CEP89: variants seen among roughly 807,000 people sequenced by gnomAD.
The protein encoded by CEP89 is centrosomal protein 89.
In CEP89, 95 loss-of-function variants were observed where a neutral mutation model predicts 97.6. The observed-to-expected ratio is 0.97, with a 90% confidence interval of 0.82 to 1.15. The LOEUF is 1.15. Among genes scored for constraint, CEP89 ranks in the 50% most tolerant of loss-of-function variants. The pLI, the probability that CEP89 is intolerant of heterozygous loss-of-function variation, is 0.00. For missense variants in CEP89, 869 were observed against 947.7 expected (o/e 0.92, Z 1.09); for synonymous variants, 354 against 349.1 (o/e 1.01, Z -0.16).
rs550214866 is a variant in CEP89 at position 32,882,743 on chromosome 19, A to G, written c.1966-730T>C. On this transcript the variant is annotated intron_variant, in intron 17 of 18. Transcript: ENST00000305768. The stretch of plus-strand genomic sequence containing the variant: ...GACAGCCTCATTGAAGAATCCAACA[A>G]GGGCTGTCACTCTCTGTCACCAAAC... Among the ~76,000 whole-genome samples the G allele has an allele frequency of 1.8e-4, 28 of 152,294 alleles. No individual in the cohort carries two copies. In the East Asian group the frequency reaches 5.0e-3, roughly 27 times the overall value.
At chr19:32,910,298 A>AGAGG (rs149021642) in intron 14 of CEP89, among the ~76,000 whole-genome samples, 9 of 146,158 alleles carry the variant, frequency 6.2e-5, no homozygotes, top group South Asian at 2.3e-4. Flanking sequence ...AGCGAGAGAG[A>AGAGG]GAGGGAGGGA....
chr19:32,912,596 A>G (rs746333740), intron 14 of CEP89, among the ~76,000 whole-genome samples: 11 of 152,078 alleles, frequency 7.2e-5, no homozygotes, highest in Non-Finnish European at 1.6e-4. Context: ...TCACTATCCT[A>G]TTGGTTGCTT....
At chr19:32,920,150 G>A (rs1284456956) in intron 12 of CEP89, among the ~76,000 whole-genome samples, 1 of 152,138 alleles carries the variant, frequency 6.6e-6, no homozygotes, top group Non-Finnish European at 1.5e-5. Flanking sequence ...CGATCCTCCT[G>A]CCTCAGCCTT....
chr19:32,932,183 A>C (rs1263751213), intron 8 of CEP89, among the ~76,000 whole-genome samples: 2 of 88,712 alleles, frequency 2.3e-5, no homozygotes, highest in African/African-American at 4.0e-5. Context: ...TCCATCTCAC[A>C]AAAAAAAAAA....
At chr19:32,881,803 C>T in intron 18 of CEP89, 41 bp downstream of exon 18, 1 of 1,545,114 alleles carries the variant, frequency 6.5e-7, no homozygotes, top group Non-Finnish European at 8.7e-7. Flanking sequence ...ATCAGACATT[C>T]AGACATCTCT....
chr19:32,921,716 G>A (rs549640174), intron 12 of CEP89, among the ~76,000 whole-genome samples: 88 of 152,278 alleles, frequency 5.8e-4, no homozygotes, highest in African/African-American at 2.0e-3. Context: ...CCAGTCCACT[G>A]TTCAAGGAGG....
chr19:32,918,269 G>A lies in CEP89; in HGVS notation c.1339C>T (p.Gln447Ter), dbSNP rs762743827. The change falls in exon 13 of 19, where the codon CAG (glutamine) becomes TAG (stop). Residue 447 changes from glutamine (Q) to a stop codon, truncating the protein, a stop_gained. Transcript: ENST00000305768. LOFTEE classifies it high-confidence loss of function. ...NKLLLEQLEI[Q>*]QRKAKDSHQE... is the part of the protein sequence containing the mutation. ...TGGCTGTCCTTGGCTTTCCTTTGCT[G>A]AATCTCCAACTGCTCCAGCAACAAC... is the stretch of plus-strand genomic sequence containing the variant. 6.2e-7 allele frequency: 1 copy of A among 1,614,154 alleles called. No homozygotes were observed. The highest frequency in any genetic ancestry group is 1.1e-5 in the South Asian group (1 of 91,072).
intron 16 of CEP89, among the ~76,000 whole-genome samples, chr19:32,892,031 A>G (rs1279202170): frequency 1.3e-5 from 2 of 150,968 alleles, no homozygotes; most frequent in African/African-American, 2.4e-5. Flanking sequence ...CAGGTTCCCA[A>G]AAAGGTCTTC....
At chr19:32,946,735 C>G (rs1266708454) in intron 5 of CEP89, among the ~76,000 whole-genome samples, 1 of 151,954 alleles carries the variant, frequency 6.6e-6, no homozygotes, top group East Asian at 1.9e-4. Context: ...AGGGGAAACC[C>G]CTTTCTCTTG....
intron 2 of CEP89, among the ~76,000 whole-genome samples, chr19:32,960,527 AG>A (rs2145969846): frequency 6.6e-6 from 1 of 152,294 alleles, no homozygotes; most frequent in South Asian, 2.1e-4. Flanking sequence ...AAGTAAAACA[AG>A]GCCAGGCGCG....
intron 2 of CEP89, 51 bp from the exon 3 acceptor site, chr19:32,960,109 G>GTT: frequency 6.3e-7 from 1 of 1,598,058 alleles, no homozygotes; most frequent in Non-Finnish European, 8.6e-7. Flanking sequence ...CATTCCAGGT[G>GTT]AATGCTGAAC....
rs531062082 is a variant in CEP89 at position 32,951,284 on chromosome 19, G to A, written c.492+2331C>T. On this transcript the variant is annotated intron_variant, in intron 4 of 18. Transcript: ENST00000305768. ...GAGGATCACCTGAGGTCAGGAGTTC[G>A]AGACCATCCTGGCCAACATGATGAA... 1.2e-4 allele frequency among the ~76,000 whole-genome samples: 19 copies of A among 152,150 alleles called. No homozygotes were observed. In the South Asian group the frequency reaches 3.7e-3, roughly 30 times the overall value.
chr19:32,918,884 C>CTTT, intron 12 of CEP89, among the ~76,000 whole-genome samples: 1 of 117,650 alleles, frequency 8.5e-6, no homozygotes, highest in Non-Finnish European at 1.7e-5. Context: ...TTTTCTTTTT[C>CTTT]TTTTTTTTTT....
intron 16 of CEP89, among the ~76,000 whole-genome samples, chr19:32,897,726 TAA>T (rs1969673263): frequency 6.6e-6 from 1 of 152,144 alleles, no homozygotes; most frequent in African/African-American, 2.4e-5. Flanking sequence ...TATGCCTGGC[TAA>T]GTTTTTCGTT....
At chr19:32,930,252 G>A (rs968512687) in intron 9 of CEP89, among the ~76,000 whole-genome samples, 9 of 151,652 alleles carry the variant, frequency 5.9e-5, no homozygotes, top group Middle Eastern at 3.2e-3. Context: ...GGTCTCAAAC[G>A]CCTGACTTCA....
chr19:32,889,236 G>A (rs1180423507), intron 16 of CEP89, among the ~76,000 whole-genome samples: 3 of 152,186 alleles, frequency 2.0e-5, no homozygotes, highest in Admixed American at 2.0e-4. Context: ...GGCCTGCAAG[G>A]CTGTAGGGAT....
chr19:32,952,340 T>C (rs959167290), intron 4 of CEP89, among the ~76,000 whole-genome samples: 3 of 144,826 alleles, frequency 2.1e-5, no homozygotes, highest in Non-Finnish European at 4.5e-5. Flanking sequence ...AAAAAGCCAG[T>C]TGTGGTGCCG....
At chr19:32,963,814 A>G (rs1485563894) in intron 2 of CEP89, 1 of 152,200 alleles carries the variant, frequency 6.6e-6, no homozygotes, top group Non-Finnish European at 1.5e-5. Flanking sequence ...TTGGTTAGCT[A>G]TGCAACTGTC....
intron 16 of CEP89, among the ~76,000 whole-genome samples, chr19:32,890,895 A>C (rs1297142345): frequency 1.3e-5 from 2 of 152,046 alleles, no homozygotes; most frequent in Admixed American, 1.3e-4. Flanking sequence ...ACCAGACTAC[A>C]TCCTGCCCTG....
Sources: allele counts gnomAD v4.1 joint callset (sites outside exome capture counted in the v4.1 genomes callset), GRCh38; gene constraint gnomAD v4.1.1; transcripts MANE v1.5; gene names NCBI Gene and HGNC (gene_info 2026-07-23, HGNC 2026-07-21).